The following SLC17A9 variants were observed in gnomAD, a reference collection of about 807,000 sequenced individuals.
SLC17A9 encodes the protein solute carrier family 17 member 9, also known as voltage-gated purine nucleotide uniporter SLC17A9.
A neutral mutation model predicts 55.0 loss-of-function variants in SLC17A9; 49 were observed. The observed-to-expected ratio is 0.89, with a 90% confidence interval of 0.71 to 1.13. The LOEUF (loss-of-function observed/expected upper bound fraction) is 1.13, where lower values mean the gene tolerates loss of function less well. Among genes scored for constraint, SLC17A9 ranks in the 50% most tolerant of loss-of-function variants. The pLI, the probability that SLC17A9 is intolerant of heterozygous loss-of-function variation, is 0.00. For missense variants in SLC17A9, 526 were observed against 569.3 expected (o/e 0.92, Z 0.77); for synonymous variants, 256 against 247.4 (o/e 1.03, Z -0.32).
intron 1 of SLC17A9, among the ~76,000 whole-genome samples, chr20:62,956,237 C>G (rs1002159514): frequency 6.6e-6 from 1 of 152,238 alleles, no homozygotes; most frequent in Non-Finnish European, 1.5e-5. Flanking sequence ...TAGGCGCAGA[C>G]TTGCAGAGAG....
intron 4 of SLC17A9, among the ~76,000 whole-genome samples, chr20:62,961,432 G>C (rs1324115931): frequency 6.6e-6 from 1 of 152,140 alleles, no homozygotes; most frequent in Non-Finnish European, 1.5e-5. Context: ...CTCCCTCCCT[G>C]CGCCCGCTCC....
chr20:62,963,473 G>A, intron 6 of SLC17A9, 104 bp downstream of exon 6: 3 of 1,512,410 alleles, frequency 2.0e-6, no homozygotes, highest in South Asian at 2.4e-5. Context: ...CAGGGCCTAG[G>A]GCTCAGAGAA....
chr20:62,963,869 T>A (rs1601096411), intron 7 of SLC17A9, 189 bp downstream of exon 7: 1 of 620,088 alleles, frequency 1.6e-6, no homozygotes, highest in South Asian at 2.0e-5. Flanking sequence ...GGTTTCTGTG[T>A]TTGAGGCTGG....
In SLC17A9 at chr20:62,965,629, C is replaced by T. The variant is rs777141057; in HGVS notation, c.965C>T (p.Ser322Phe). The change falls in exon 10 of 13, where the codon TCC (serine) becomes TTC (phenylalanine). Residue 322 changes from serine to phenylalanine, a missense_variant. Coordinates refer to ENST00000370351, the MANE Select transcript of SLC17A9 (RefSeq NM_022082.4). The part of the protein sequence containing the change: ...KLMQGMGLGL[S>F]SVFALCLGHT... ...CTGCAGGGCATGGGCCTTGGCCTCT[C>T]CAGCGTCTTTGCTCTGTGCCTGGGC... is the stretch of plus-strand genomic sequence containing the variant. 1.5e-5 allele frequency: 24 copies of T among 1,613,398 alleles called. No homozygotes were observed. Among genetic ancestry groups the T allele is most frequent in the Non-Finnish European group, 1.9e-5 (23 of 1,180,032 alleles).
intron 12 of SLC17A9, 180 bp from the exon 13 acceptor site, chr20:62,967,157 C>T: frequency 1.4e-6 from 1 of 705,338 alleles, no homozygotes; most frequent in Non-Finnish European, 2.4e-6. Context: ...CCCTCCAAGA[C>T]CCTCCAAGTC....
In SLC17A9 at chr20:62,967,342, G is replaced by C. The variant is rs369530488; in HGVS notation, c.1153G>C (p.Val385Leu). Residue 385 changes from valine (V) to leucine (L), a missense_variant, in exon 13 of 13, where the codon GTG becomes CTG. Transcript: ENST00000370351. ...CCTGGCCCTCTCTTGGGCAGGTGTC[G>C]TGGGTGTGTGTCTAGGCGGCTACTT... ...ANTAGALAGV[V>L]GVCLGGYLME... 1.8e-5 allele frequency: 29 copies of C among 1,613,906 alleles called. No homozygotes were observed. Among genetic ancestry groups the C allele is most frequent in the Non-Finnish European group, 2.4e-5 (28 of 1,179,962 alleles).
chr20:62,966,852 C>A, intron 12 of SLC17A9, 120 bp downstream of exon 12: 1 of 1,294,464 alleles, frequency 7.7e-7, no homozygotes, highest in Non-Finnish European at 1.1e-6. Context: ...GAGGAGGGCA[C>A]AGACCCCAGA....
Position 62,966,748 on chromosome 20 carries a change from C to T in SLC17A9, c.1147+16C>T. The T allele has an allele frequency of 3.1e-6, 5 of 1,607,506 alleles. No homozygotes were observed. The highest frequency in any genetic ancestry group is 4.2e-6 in the Non-Finnish European group (5 of 1,178,304). On this transcript the variant is annotated intron_variant, in intron 12 of 12. Transcript: ENST00000370351. The stretch of plus-strand genomic sequence containing the variant: ...GCCTTGGCAGGTGAGGGGCGGGCCT[C>T]TGTGCCCAGGAGTTCCCCTGTCTGT...
At chr20:62,957,271 C>T in intron 2 of SLC17A9, 170 bp from the exon 3 acceptor site, 2 of 985,392 alleles carry the variant, frequency 2.0e-6, no homozygotes, top group Non-Finnish European at 2.4e-6. Flanking sequence ...GGCCGCTCCC[C>T]TGGAGTACCT....
At position 62,967,239 on chromosome 20, in the gene SLC17A9, C is replaced by T; in HGVS notation, c.1148-98C>T. On this transcript the variant is annotated intron_variant, in intron 12 of 12. Coordinates refer to ENST00000370351, the MANE Select transcript of SLC17A9 (RefSeq NM_022082.4). ...TGGGGGCTCCTATCAGGCGCTAGAC[C>T]CCCAGCCCTTCCCCTGGCACTACCT... 4.1e-6 allele frequency: 6 copies of T among 1,456,322 alleles called. No individual in the cohort carries two copies. In the South Asian group the frequency reaches 5.0e-5, roughly 12 times the overall value. The allele number at this position is 1,456,322 out of a possible 1,614,324, so 90.2% of individuals were successfully genotyped here. A position where few individuals can be genotyped will look rare whatever the true frequency, so the allele number is the denominator to read the frequency against.
At chr20:62,957,612 C>T (rs368089069) in intron 3 of SLC17A9, 32 bp downstream of exon 3, 2 of 1,494,332 alleles carry the variant, frequency 1.3e-6, no homozygotes, top group Non-Finnish European at 1.8e-6. Flanking sequence ...CCCTCACGCT[C>T]TCTGGCACCA....
At position 62,963,384 on chromosome 20, in the gene SLC17A9, G is replaced by T. The variant is rs773717876; in HGVS notation, c.725+15G>T. On this transcript the variant is annotated intron_variant, in intron 6 of 12. Coordinates refer to ENST00000370351, the MANE Select transcript of SLC17A9 (RefSeq NM_022082.4). ...CCTGCTGTCTGGTGAGCTGGGACCT[G>T]TGCCACCCCTTGGAGCAGCGGCAGG... The T allele has an allele frequency of 1.2e-6, 2 of 1,611,916 alleles. No homozygotes were observed. The highest frequency in any genetic ancestry group is 4.5e-5 in the East Asian group (2 of 44,840).
Position 62,968,971 on chromosome 20 carries a change from C to T in SLC17A9, c.*1471C>T, listed in dbSNP as rs901537786. 1 of 152,298 alleles carries T rather than the reference C, an allele frequency of 6.6e-6. No homozygotes were observed. Among genetic ancestry groups the T allele is most frequent in the Admixed American group, 6.5e-5 (1 of 15,284 alleles). 9.4% of individuals were successfully genotyped at this position (152,298 alleles called of 1,614,324 possible). A position where few individuals can be genotyped will look rare whatever the true frequency, so the allele number is the denominator to read the frequency against. ...CCCCTACAATCTCTCCAGTTTCGGTCAGCCCAACCCTGTGGCACCATGGGT... is the reference window on the plus strand; with the variant it reads ...CCCCTACAATCTCTCCAGTTTCGGTTAGCCCAACCCTGTGGCACCATGGGT... On this transcript the variant is annotated 3_prime_UTR_variant, in exon 13 of 13. Transcript: ENST00000370351.
chr20:62,962,782 G>A lies in SLC17A9; in HGVS notation c.628+28G>A, dbSNP rs775973850. On this transcript the variant is annotated intron_variant, in intron 5 of 12. Transcript: ENST00000370351. This position sits in a 1 kb window ranked among gnomAD's most constrained non-coding sequence, Gnocchi z 5.5. Reference sequence around the variant, plus strand: ...AACGCAGGCCGGGCGGGCTAGTCCCGGGCGCCCACAGCTGCCCAGTGCCTC... The same window carrying A: ...AACGCAGGCCGGGCGGGCTAGTCCCAGGCGCCCACAGCTGCCCAGTGCCTC... 6.8e-6 allele frequency: 11 copies of A among 1,610,856 alleles called. No individual in the cohort carries two copies. The East Asian group carries it at 8.9e-5, about 13-fold the overall frequency.
intron 3 of SLC17A9, among the ~76,000 whole-genome samples, chr20:62,957,846 C>A (rs1448941165): frequency 8.3e-6 from 1 of 120,920 alleles, no homozygotes; most frequent in South Asian, 3.2e-4. Context: ...CATGCGTGCA[C>A]CTGTGCGTGT....
At chr20:62,957,771 G>A (rs567794371) in intron 3 of SLC17A9, among the ~76,000 whole-genome samples, 191 bp downstream of exon 3, 9 of 142,110 alleles carry the variant, frequency 6.3e-5, no homozygotes, top group African/African-American at 1.8e-4. Flanking sequence ...TGGCATGCCC[G>A]CGTGCATGCG....
At chr20:62,955,729 C>T (rs2065531562) in intron 1 of SLC17A9, among the ~76,000 whole-genome samples, 2 of 152,208 alleles carry the variant, frequency 1.3e-5, no homozygotes, top group Admixed American at 1.3e-4. Context: ...AAACTGTTTA[C>T]AGAGAGCCTG....
intron 2 of SLC17A9, 75 bp downstream of exon 2, chr20:62,957,037 C>T: frequency 1.3e-6 from 2 of 1,583,894 alleles, no homozygotes; most frequent in South Asian, 2.3e-5. Flanking sequence ...AGTGGGCTGG[C>T]TGTGCTGCTG....
chr20:62,963,975 G>A lies in SLC17A9; in HGVS notation c.823-253G>A, dbSNP rs1218569944. ...CCCACAGAACCCGACTTCAGAGCCT[G>A]AGGAGGCCGGTGCAGAAGCCGGGAT... is the stretch of plus-strand genomic sequence containing the variant. On this transcript the variant is annotated intron_variant, in intron 7 of 12. Transcript: ENST00000370351. The A allele has an allele frequency of 1.7e-5, 10 of 599,356 alleles. No homozygotes were observed. In the East Asian group the frequency reaches 2.8e-4, roughly 17 times the overall value. 37.1% of individuals were successfully genotyped at this position (599,356 alleles called of 1,614,324 possible).
Sources: gnomAD v4.1 joint callset for allele counts (sites outside exome capture counted in the v4.1 genomes callset) on GRCh38, gnomAD v4.1.1 for gene constraint, Gnocchi (gnomAD v3.1) non-coding constraint, MANE v1.5 for transcripts, NCBI Gene and HGNC (gene_info 2026-07-23, HGNC 2026-07-21) for gene names.